The following PALM2AKAP2 variants were observed in gnomAD, a reference collection of about 807,000 sequenced individuals.
PALM2AKAP2 encodes the protein PALM2-AKAP2 fusion protein.
In PALM2AKAP2, 37 loss-of-function variants were observed where a neutral mutation model predicts 71.5. The observed-to-expected ratio is 0.52, with a 90% CI of 0.40 to 0.68. The LOEUF (loss-of-function observed/expected upper bound fraction) is 0.68. Ranked by LOEUF, PALM2AKAP2 falls within the 30% of genes least tolerant of loss-of-function variation. PALM2AKAP2 has a pLI of 0.00. For missense variants in PALM2AKAP2, 1,224 were observed against 1,191.8 expected (o/e 1.03, Z -0.40); for synonymous variants, 468 against 478.8 (o/e 0.98, Z 0.29).
intron 3 of PALM2AKAP2, among the ~76,000 whole-genome samples, chr9:109,918,895 T>G (rs1170602925): frequency 1.3e-5 from 2 of 152,218 alleles, no homozygotes; most frequent in Non-Finnish European, 2.9e-5. Flanking sequence ...GTTCCTTTTT[T>G]TTCTCTCCCT....
exon 1 of PALM2AKAP2, chr9:109,780,515 A>T: frequency 6.2e-7 from 1 of 1,613,666 alleles, no homozygotes; most frequent in Non-Finnish European, 8.5e-7. Flanking sequence ...TGCACAAGGA[A>T]AGGCTGCAAG....
upstream of PALM2AKAP2, chr9:109,780,344 C>T: frequency 6.5e-7 from 1 of 1,535,356 alleles, no homozygotes; most frequent in Non-Finnish European, 8.8e-7. Context: ...GCTCTGCCCG[C>T]CGCCCCTGGA....
intron 5 of PALM2AKAP2, 24 bp from the exon 6 acceptor site, chr9:109,931,903 G>A (rs755075393): frequency 7.4e-6 from 12 of 1,611,608 alleles, no homozygotes; most frequent in Non-Finnish European, 1.0e-5. Context: ...GTGACTAATT[G>A]TATTCCCTGT....
intron 1 of PALM2AKAP2, among the ~76,000 whole-genome samples, chr9:110,102,685 T>A (rs1010414001): frequency 6.6e-6 from 1 of 151,974 alleles, no homozygotes; most frequent in Non-Finnish European, 1.5e-5. Flanking sequence ...TTGTGGAGGC[T>A]TAGGTAGACC....
intron 6 of PALM2AKAP2, among the ~76,000 whole-genome samples, chr9:110,002,334 T>G (rs1465226206): frequency 6.6e-6 from 1 of 152,068 alleles, no homozygotes; most frequent in East Asian, 1.9e-4. Context: ...TTGCATATGT[T>G]GAACCAGCCT....
intron 6 of PALM2AKAP2, among the ~76,000 whole-genome samples, chr9:109,961,174 A>T (rs547295824): frequency 1.3e-5 from 2 of 152,374 alleles, no homozygotes; most frequent in African/African-American, 4.8e-5. Flanking sequence ...TCTTTGGAAC[A>T]TATAGCTAAA....
intron 1 of PALM2AKAP2, among the ~76,000 whole-genome samples, chr9:109,844,591 T>C (rs1303284134): frequency 6.6e-6 from 1 of 152,270 alleles, no homozygotes; most frequent in Non-Finnish European, 1.5e-5. Flanking sequence ...GTACTGTTTT[T>C]GTAAATGTAC....
At position 109,780,646 on chromosome 9, in the gene PALM2AKAP2, A is replaced by G. The variant is rs75587497; in HGVS notation, c.45+113A>G. The G allele has an allele frequency of 4.8e-3, 7,097 of 1,472,898 alleles. 289 individuals are homozygous for G. In the African/African-American group the frequency reaches 0.086, roughly 18 times the overall value. The allele number at this position is 1,472,898 out of a possible 1,614,324, so 91.2% of individuals were successfully genotyped here. A position where few individuals can be genotyped will look rare whatever the true frequency, so the allele number is the denominator to read the frequency against. The stretch of plus-strand genomic sequence containing the variant: ...ACAGTAGCCGCAGGTCATATGTTCC[A>G]GGGGCTAAAACTCTGTCAGGGCTCA... On this transcript the variant is annotated intron_variant, in intron 1 of 9. Transcript: ENST00000302798.
intron 1 of PALM2AKAP2, among the ~76,000 whole-genome samples, chr9:109,741,805 G>A (rs994876989): frequency 2.6e-5 from 4 of 152,298 alleles, no homozygotes; most frequent in Non-Finnish European, 5.9e-5. Context: ...GTAAGGTGGA[G>A]GAAAGAAGCA....
chr9:109,765,898 T>C lies in PALM2AKAP2; in HGVS notation c.6-14590T>C, dbSNP rs146318716. ...GCCTGAGATGCAATGCACAACATGG[T>C]CGGGGACTTGGTATCAACCCAGTGA... On this transcript the variant is annotated intron_variant, in intron 1 of 6. Coordinates refer to the PALM2AKAP2 transcript ENST00000374531. Among the ~76,000 whole-genome samples, 131 of 152,222 alleles carry C rather than the reference T, an allele frequency of 8.6e-4. 2 individuals are homozygous for C. Among genetic ancestry groups the C allele is most frequent in the Admixed American group, 2.4e-3 (36 of 15,272 alleles).
upstream of PALM2AKAP2, among the ~76,000 whole-genome samples, chr9:110,044,976 T>G (rs964255978): frequency 6.6e-5 from 10 of 152,158 alleles, no homozygotes; most frequent in African/African-American, 2.2e-4. Flanking sequence ...GGAGAAGAGC[T>G]TCTCTCAACC....
intron 6 of PALM2AKAP2, among the ~76,000 whole-genome samples, chr9:109,935,790 G>A (rs1228070606): frequency 1.3e-5 from 2 of 152,124 alleles, no homozygotes; most frequent in Non-Finnish European, 2.9e-5. Context: ...AGGGAACTGG[G>A]ACCCTGATCC....
chr9:109,957,874 T>C (rs1831778287), intron 6 of PALM2AKAP2, among the ~76,000 whole-genome samples: 1 of 152,172 alleles, frequency 6.6e-6, no homozygotes, highest in South Asian at 2.1e-4. Flanking sequence ...AGCACACGGG[T>C]GCCCAGGGCT....
At chr9:109,745,917 T>C (rs116897849) in intron 1 of PALM2AKAP2, among the ~76,000 whole-genome samples, 6,590 of 152,290 alleles carry the variant, frequency 0.043, 187 homozygotes, top group Non-Finnish European at 0.053. Flanking sequence ...GCCAACTCCC[T>C]TCATCCCATT....
intron 7 of PALM2AKAP2, among the ~76,000 whole-genome samples, chr9:110,035,368 T>TTATATATATTATATGTATAATACA (rs1473568526): frequency 7.0e-6 from 1 of 142,910 alleles, no homozygotes; most frequent in African/African-American, 2.6e-5. Flanking sequence ...ATAATACATA[T>TTATATATATTATATGTATAATACA]TATATACATA....
chr9:110,146,226 A>G (rs1030618787), intron 2 of PALM2AKAP2, among the ~76,000 whole-genome samples: 4 of 152,092 alleles, frequency 2.6e-5, no homozygotes, highest in Non-Finnish European at 4.4e-5. Flanking sequence ...TTGAGATCCT[A>G]TGGGCCCAGA....
At chr9:109,826,625 A>G (rs1042140336) in intron 1 of PALM2AKAP2, among the ~76,000 whole-genome samples, 4 of 152,180 alleles carry the variant, frequency 2.6e-5, no homozygotes, top group Non-Finnish European at 5.9e-5. Context: ...TTTGCCTTGC[A>G]AAAGGGAGAT....
At chr9:109,794,674 A>G (rs1827203749) in intron 1 of PALM2AKAP2, among the ~76,000 whole-genome samples, 1 of 152,158 alleles carries the variant, frequency 6.6e-6, no homozygotes. Flanking sequence ...GATCGACCCT[A>G]GTGTCTCTGA....
chr9:109,901,413 G>A (rs1830328741), intron 3 of PALM2AKAP2, among the ~76,000 whole-genome samples: 1 of 152,196 alleles, frequency 6.6e-6, no homozygotes, highest in Non-Finnish European at 1.5e-5. Flanking sequence ...GGACACAGTT[G>A]ATTCCTGCTT....
Sources: gnomAD v4.1 joint callset for allele counts (sites outside exome capture counted in the v4.1 genomes callset) on GRCh38, gnomAD v4.1.1 for gene constraint, MANE v1.5 for transcripts, NCBI Gene and HGNC (gene_info 2026-07-23, HGNC 2026-07-21) for gene names.